Variants in RABGAP1L observed in about 807,000 individuals in gnomAD.
The protein encoded by RABGAP1L is rab GTPase-activating protein 1-like.
In RABGAP1L, 63 loss-of-function variants were observed where a neutral mutation model predicts 137.7. The ratio of observed to expected loss-of-function variants is 0.46; its 90% confidence interval spans 0.37 to 0.56. The LOEUF is 0.56. RABGAP1L is among the 20% of genes least tolerant of loss of function. The pLI, the probability that RABGAP1L is intolerant of heterozygous loss-of-function variation, is 0.00. For synonymous variants in RABGAP1L, 431 were observed against 433.7 expected, an observed-to-expected ratio of 0.99 and a Z score of 0.08; for missense variants, 1,095 against 1,244.0, an observed-to-expected ratio of 0.88 and a Z score of 1.80.
chr1:174,553,024 GTCT>G (rs1411047537), intron 13 of RABGAP1L, among the ~76,000 whole-genome samples: 3 of 152,106 alleles, frequency 2.0e-5, no homozygotes, highest in Non-Finnish European at 4.4e-5. Flanking sequence ...CCACATATAT[GTCT>G]TCTTCTGGGA....
chr1:174,333,792 T>C (rs767085138), intron 11 of RABGAP1L, among the ~76,000 whole-genome samples: 7 of 152,204 alleles, frequency 4.6e-5, no homozygotes, highest in Non-Finnish European at 8.8e-5. Flanking sequence ...GCTCACTTGA[T>C]CTGGAGCAGA....
intron 17 of RABGAP1L, among the ~76,000 whole-genome samples, chr1:174,718,209 A>G (rs1189033649): frequency 6.6e-6 from 1 of 152,030 alleles, no homozygotes; most frequent in Non-Finnish European, 1.5e-5. Flanking sequence ...AGTTTTGGTT[A>G]TTCAATCTCA....
chr1:174,362,228 G>A (rs1029598046), intron 11 of RABGAP1L, among the ~76,000 whole-genome samples: 3 of 152,060 alleles, frequency 2.0e-5, no homozygotes, highest in East Asian at 1.9e-4. Context: ...ATTGTGAATC[G>A]TTTTGCAGTG....
intron 19 of RABGAP1L, among the ~76,000 whole-genome samples, chr1:174,873,550 G>T (rs185732630): frequency 1.5e-3 from 219 of 141,674 alleles, no homozygotes; most frequent in Admixed American, 0.013. Context: ...TTCTCCCTCT[G>T]TCGCCCAGGC....
intron 20 of RABGAP1L, among the ~76,000 whole-genome samples, chr1:174,965,833 C>CT (rs1333548582): frequency 6.6e-6 from 1 of 152,210 alleles, no homozygotes; most frequent in African/African-American, 2.4e-5. Context: ...GGCGTGCCCT[C>CT]TAGGCTATTT....
chr1:174,886,821 T>C (rs1655235571), intron 19 of RABGAP1L, among the ~76,000 whole-genome samples: 1 of 151,936 alleles, frequency 6.6e-6, no homozygotes, highest in Non-Finnish European at 1.5e-5. Context: ...TCTTTTTTTT[T>C]TCTTTTTTTT....
At chr1:174,470,995 G>T (rs1217874254) in intron 13 of RABGAP1L, among the ~76,000 whole-genome samples, 1 of 151,748 alleles carries the variant, frequency 6.6e-6, no homozygotes. Flanking sequence ...ATCCCCTGGG[G>T]TAACTAACTA....
At chr1:174,321,135 C>T (rs945897749) in intron 11 of RABGAP1L, among the ~76,000 whole-genome samples, 2 of 152,112 alleles carry the variant, frequency 1.3e-5, no homozygotes, top group African/African-American at 4.8e-5. Flanking sequence ...CCCCAGTCTC[C>T]TGTAGCACTC....
intron 7 of RABGAP1L, among the ~76,000 whole-genome samples, chr1:174,255,085 C>G (rs544208685): frequency 6.6e-6 from 1 of 151,630 alleles, no homozygotes; most frequent in South Asian, 2.1e-4. Context: ...TCTCTGATGA[C>G]CAGTGATGAT....
chr1:174,462,987 G>C (rs1009674062), intron 13 of RABGAP1L, among the ~76,000 whole-genome samples: 1 of 152,128 alleles, frequency 6.6e-6, no homozygotes, highest in Non-Finnish European at 1.5e-5. Context: ...AGTTAGAATG[G>C]CAATCATTAA....
At chr1:174,747,939 T>C (rs1684013627) in intron 17 of RABGAP1L, among the ~76,000 whole-genome samples, 2 of 152,088 alleles carry the variant, frequency 1.3e-5, no homozygotes, top group African/African-American at 4.8e-5. Flanking sequence ...CAACTGTCTC[T>C]ATAAGCTATC....
At chr1:174,973,954 G>T (rs1894679) in intron 21 of RABGAP1L, among the ~76,000 whole-genome samples, 16,747 of 143,674 alleles carry the variant, frequency 0.12, 3,322 homozygotes, top group African/African-American at 0.4. Flanking sequence ...TAAGAACACT[G>T]AAATGAGCAG....
chr1:174,290,437 A>C (rs961197834), intron 10 of RABGAP1L, among the ~76,000 whole-genome samples: 2 of 152,200 alleles, frequency 1.3e-5, no homozygotes, highest in Non-Finnish European at 2.9e-5. Context: ...GGGTAGTGGC[A>C]ACATCATCAA....
chr1:174,412,352 G>A (rs910549322), intron 13 of RABGAP1L, among the ~76,000 whole-genome samples: 14 of 151,922 alleles, frequency 9.2e-5, no homozygotes, highest in African/African-American at 3.4e-4. Context: ...TGAGGCTTTG[G>A]GTGTTATTAT....
intron 14 of RABGAP1L, among the ~76,000 whole-genome samples, chr1:174,646,046 G>A (rs1674943316): frequency 6.6e-6 from 1 of 151,852 alleles, no homozygotes; most frequent in Non-Finnish European, 1.5e-5. Flanking sequence ...CCCACTTTTT[G>A]ATGGGGTTGT....
chr1:174,665,054 C>T (rs1261473410), intron 14 of RABGAP1L, among the ~76,000 whole-genome samples: 2 of 152,086 alleles, frequency 1.3e-5, no homozygotes, highest in Non-Finnish European at 2.9e-5. Flanking sequence ...TATTTCTCTA[C>T]ATTCTTTAAA....
At chr1:174,349,983 G>A (rs1468791650) in intron 11 of RABGAP1L, among the ~76,000 whole-genome samples, 30 of 121,000 alleles carry the variant, frequency 2.5e-4, no homozygotes, top group Non-Finnish European at 3.9e-4. Context: ...TCTCCCTCCC[G>A]GACGGGGTGG....
intron 13 of RABGAP1L, among the ~76,000 whole-genome samples, chr1:174,424,064 A>G (rs1651668713): frequency 6.6e-6 from 1 of 152,166 alleles, no homozygotes; most frequent in South Asian, 2.1e-4. Context: ...TCACAAAGAA[A>G]GCATAGCATA....
At chr1:174,261,438 A>C (rs1181217966) in intron 7 of RABGAP1L, among the ~76,000 whole-genome samples, 1 of 152,208 alleles carries the variant, frequency 6.6e-6, no homozygotes, top group Non-Finnish European at 1.5e-5. Context: ...GCCGGCTTGC[A>C]GCACAAACTA....
Sources: allele counts gnomAD v4.1 joint callset (sites outside exome capture counted in the v4.1 genomes callset), GRCh38; gene constraint gnomAD v4.1.1; transcripts MANE v1.5; gene names NCBI Gene and HGNC (gene_info 2026-07-23, HGNC 2026-07-21).